Variants in PPAT observed in about 807,000 individuals in gnomAD.
The protein encoded by PPAT is amidophosphoribosyltransferase.
PPAT carries 20 observed loss-of-function variants against 60.2 expected under a neutral mutation model. The observed-to-expected ratio is 0.33, with a 90% confidence interval of 0.23 to 0.48. PPAT has a LOEUF of 0.48. Ranked by LOEUF, PPAT falls within the 20% of genes least tolerant of loss-of-function variation. The probability of loss-of-function intolerance (pLI) is 0.99; values close to 1 mark genes in which losing one functional copy is unlikely to be tolerated. For synonymous variants in PPAT, 194 were observed against 215.1 expected (o/e 0.90, Z 0.86); for missense variants, 349 against 629.6 (o/e 0.55, Z 4.77).
At chr4:56,417,285 C>A (rs960501287) in intron 1 of PPAT, among the ~76,000 whole-genome samples, 4 of 151,122 alleles carry the variant, frequency 2.6e-5, no homozygotes, top group African/African-American at 9.7e-5. Context: ...TATTTGTAAC[C>A]TAAATAAGAA....
Position 56,403,383 on chromosome 4 carries a change from C to T in PPAT, c.421G>A (p.Gly141Ser). The change falls in exon 4 of 11, where the codon GGT becomes AGT. Residue 141 changes from glycine (G) to serine (S), a missense_variant. By Grantham distance (56) the Gly-to-Ser change is moderately conservative. Coordinates refer to ENST00000264220, the MANE Select transcript of PPAT (RefSeq NM_002703.5). The stretch of plus-strand genomic sequence containing the variant: ...TCACTATCAGAACTTGTAGACAGAC[C>T]AATACCATGACGCAGAAGCTATATA... Reference protein sequence around the residue: ...LRKKLLRHGIGLSTSSDSEMI... With the variant: ...LRKKLLRHGISLSTSSDSEMI... The T allele has an allele frequency of 6.2e-7, 1 of 1,613,074 alleles. No homozygotes were observed. Among genetic ancestry groups the T allele is most frequent in the Non-Finnish European group, 8.5e-7 (1 of 1,179,222 alleles).
At chr4:56,410,577 G>A (rs1299426305) in intron 1 of PPAT, 1 of 985,810 alleles carries the variant, frequency 1.0e-6, no homozygotes, top group Non-Finnish European at 1.2e-6. Context: ...CTAAGTGTCT[G>A]GGCAGAAAAA....
At chr4:56,407,269 A>G (rs143176815) in intron 2 of PPAT, among the ~76,000 whole-genome samples, 1 of 152,042 alleles carries the variant, frequency 6.6e-6, no homozygotes, top group East Asian at 1.9e-4. Flanking sequence ...CCCCCTCCCC[A>G]TATTAATGAT....
chr4:56,399,149 T>A, intron 9 of PPAT, 30 bp downstream of exon 9: 2 of 1,550,512 alleles, frequency 1.3e-6, no homozygotes, highest in Non-Finnish European at 1.8e-6. Flanking sequence ...TGTTAACTTA[T>A]GCTTTAGGAT....
chr4:56,432,306 T>C (rs938982615), intron 1 of PPAT, among the ~76,000 whole-genome samples: 20 of 152,114 alleles, frequency 1.3e-4, no homozygotes, highest in African/African-American at 4.8e-4. Context: ...AGAGGGTGGA[T>C]CACTTGAGGC....
In PPAT at chr4:56,400,771, TAAGAG is replaced by T; in HGVS notation, c.1014+8_1014+12del. On this transcript the variant is annotated splice_region_variant and intron_variant, in intron 8 of 10. Transcript: ENST00000264220. The stretch of plus-strand genomic sequence containing the variant: ...GGAGAGCAATTCACTGCATGTTAAT[TAAGAG>T]AAAATACCTTTCCTGCGTAAGCAAG... 6.2e-7 allele frequency: 1 copy of T among 1,608,504 alleles called. No homozygotes were observed. The highest frequency in any genetic ancestry group is 8.5e-7 in the Non-Finnish European group (1 of 1,176,424).
At chr4:56,399,566 G>C in intron 8 of PPAT, 166 bp from the exon 9 acceptor site, 2 of 556,616 alleles carry the variant, frequency 3.6e-6, no homozygotes, top group Non-Finnish European at 6.2e-6. Flanking sequence ...AAATATACTT[G>C]GTGGAAAAAC....
At chr4:56,413,521 A>G (rs1235356257) in intron 1 of PPAT, among the ~76,000 whole-genome samples, 1 of 152,218 alleles carries the variant, frequency 6.6e-6, no homozygotes, top group Non-Finnish European at 1.5e-5. Flanking sequence ...TAGCCATGAT[A>G]GCGTCCCTTC....
At chr4:56,420,452 G>C (rs1716983960) in intron 1 of PPAT, 1 of 152,032 alleles carries the variant, frequency 6.6e-6, no homozygotes, top group Admixed American at 6.6e-5. Context: ...TACCATAAGA[G>C]GAATATTATA....
At chr4:56,431,506 T>G (rs1447228236) in intron 1 of PPAT, 1 of 980,542 alleles carries the variant, frequency 1.0e-6, no homozygotes, top group East Asian at 1.1e-4. Context: ...AACCAAAAGA[T>G]TCTACAGAAT....
At chr4:56,425,592 C>T (rs1256624753) in intron 1 of PPAT, 1 of 154,608 alleles carries the variant, frequency 6.5e-6, no homozygotes, top group African/African-American at 2.4e-5. Context: ...TTTTGGTCTC[C>T]TGTTCCTGGC....
chr4:56,433,578 T>G (rs986760804), intron 1 of PPAT, among the ~76,000 whole-genome samples: 4 of 151,968 alleles, frequency 2.6e-5, no homozygotes, highest in African/African-American at 9.7e-5. Context: ...TGAATAACTT[T>G]GGCAAAAAAA....
chr4:56,426,270 C>T (rs891375891), intron 1 of PPAT, among the ~76,000 whole-genome samples: 8 of 151,866 alleles, frequency 5.3e-5, no homozygotes, highest in Non-Finnish European at 1.2e-4. Context: ...GCGTGGTGGC[C>T]GCGCACCTGT....
chr4:56,425,396 A>C, intron 1 of PPAT: 1 of 904,130 alleles, frequency 1.1e-6, no homozygotes, highest in Non-Finnish European at 1.3e-6. Flanking sequence ...AGAAGAACTT[A>C]TTACTAAAAC....
intron 1 of PPAT, chr4:56,414,180 G>C (rs943459480): frequency 6.6e-6 from 1 of 152,184 alleles, no homozygotes; most frequent in African/African-American, 2.4e-5. Context: ...CCTTGCACCA[G>C]GTTTGATTCA....
chr4:56,397,475 G>A (rs1047234314), intron 9 of PPAT, among the ~76,000 whole-genome samples: 5 of 152,028 alleles, frequency 3.3e-5, no homozygotes, highest in African/African-American at 1.2e-4. Context: ...AAATAAACTG[G>A]CATGCTGCTT....
chr4:56,405,988 T>G (rs1716231986), intron 3 of PPAT, among the ~76,000 whole-genome samples: 1 of 152,190 alleles, frequency 6.6e-6, no homozygotes, highest in South Asian at 2.1e-4. Context: ...CCTTAACTTC[T>G]GGAACCTGAC....
intron 3 of PPAT, among the ~76,000 whole-genome samples, chr4:56,405,629 G>C (rs1330389881): frequency 6.6e-6 from 1 of 152,198 alleles, no homozygotes; most frequent in African/African-American, 2.4e-5. Context: ...ACAATGACTA[G>C]GTTCAGAGAG....
intron 3 of PPAT, among the ~76,000 whole-genome samples, chr4:56,404,675 A>G (rs978545200): frequency 1.1e-4 from 15 of 142,746 alleles, no homozygotes; most frequent in Admixed American, 3.1e-4. Flanking sequence ...TTATACTTTC[A>G]TGATTGTCTG....
Sources: allele counts gnomAD v4.1 joint callset (sites outside exome capture counted in the v4.1 genomes callset), GRCh38; gene constraint gnomAD v4.1.1; transcripts MANE v1.5; gene names NCBI Gene and HGNC (gene_info 2026-07-23, HGNC 2026-07-21).